The following ITGB5 variants were observed in gnomAD, a reference collection of about 807,000 sequenced individuals.
The protein encoded by ITGB5 is integrin subunit beta 5.
A neutral mutation model predicts 84.8 loss-of-function variants in ITGB5; 38 were observed. The observed-to-expected ratio is 0.45, with a 90% CI of 0.35 to 0.59. The LOEUF (loss-of-function observed/expected upper bound fraction) is 0.59, where lower values mean the gene tolerates loss of function less well. Among genes scored for constraint, ITGB5 ranks in the 20% least tolerant of loss-of-function variants. The pLI is 0.01. For missense variants in ITGB5, 905 were observed against 1,034.5 expected, an observed-to-expected ratio of 0.87 and a Z score of 1.72; for synonymous variants, 393 against 414.4, an observed-to-expected ratio of 0.95 and a Z score of 0.63.
chr3:124,856,812 C>T (rs1032457071), intron 3 of ITGB5, among the ~76,000 whole-genome samples: 9 of 152,216 alleles, frequency 5.9e-5, no homozygotes, highest in African/African-American at 2.2e-4. Flanking sequence ...TCTGTCTTCA[C>T]ATAAGAGATT....
At chr3:124,831,223 T>C (rs1165814608) in intron 5 of ITGB5, among the ~76,000 whole-genome samples, 2 of 152,116 alleles carry the variant, frequency 1.3e-5, no homozygotes, top group East Asian at 3.9e-4. Context: ...TCGCTGTCAA[T>C]GTCTGTCTTA....
chr3:124,778,228 G>A (rs573559646), intron 10 of ITGB5, among the ~76,000 whole-genome samples: 1 of 152,348 alleles, frequency 6.6e-6, no homozygotes, highest in Admixed American at 6.5e-5. Flanking sequence ...CATGCAAGTT[G>A]TTATTATTAG....
chr3:124,828,862 G>C (rs967927194), intron 5 of ITGB5, among the ~76,000 whole-genome samples: 1 of 152,160 alleles, frequency 6.6e-6, no homozygotes, highest in Non-Finnish European at 1.5e-5. Context: ...TCTGATTTCG[G>C]TCCCATGTCT....
chr3:124,893,874 G>T (rs1935047463), intron 1 of ITGB5, among the ~76,000 whole-genome samples: 1 of 152,244 alleles, frequency 6.6e-6, no homozygotes, highest in East Asian at 1.9e-4. Context: ...TGGTGTTGTT[G>T]CTCTTAATGT....
At chr3:124,880,342 C>T (rs1376299963) in intron 1 of ITGB5, among the ~76,000 whole-genome samples, 2 of 152,122 alleles carry the variant, frequency 1.3e-5, no homozygotes, top group Non-Finnish European at 2.9e-5. Flanking sequence ...ATAAAGGTAC[C>T]ATACTAATGT....
intron 4 of ITGB5, 139 bp downstream of exon 4, chr3:124,848,170 A>T: frequency 1.1e-6 from 1 of 893,046 alleles, no homozygotes; most frequent in Non-Finnish European, 1.7e-6. Flanking sequence ...ATGTATGCTT[A>T]TCATTAATCA....
intron 3 of ITGB5, 136 bp from the exon 4 acceptor site, chr3:124,848,694 G>C: frequency 1.1e-6 from 1 of 901,180 alleles, no homozygotes; most frequent in South Asian, 1.7e-5. Context: ...ATTTTTCTTG[G>C]AAGTAAAGTG....
At chr3:124,863,398 G>C (rs1224512893) in intron 2 of ITGB5, 1 of 152,242 alleles carries the variant, frequency 6.6e-6, no homozygotes, top group African/African-American at 2.4e-5. Flanking sequence ...AGCCATAACT[G>C]ATTTGTAGCT....
chr3:124,828,188 G>A (rs1236102535), intron 5 of ITGB5, among the ~76,000 whole-genome samples: 3 of 152,154 alleles, frequency 2.0e-5, no homozygotes, highest in Admixed American at 2.0e-4. Flanking sequence ...CCACTCCTGG[G>A]TACTGACCCA....
intron 9 of ITGB5, among the ~76,000 whole-genome samples, chr3:124,798,212 G>A (rs1037898883): frequency 1.4e-4 from 21 of 151,122 alleles, no homozygotes; most frequent in Admixed American, 1.2e-3. Flanking sequence ...GCCACCACAC[G>A]CAGCTAATTT....
chr3:124,884,946 C>G (rs1033927215), intron 1 of ITGB5, among the ~76,000 whole-genome samples: 1 of 151,966 alleles, frequency 6.6e-6, no homozygotes, highest in Non-Finnish European at 1.5e-5. Context: ...AAAGAGAAAG[C>G]AAGATGCAAG....
intron 1 of ITGB5, among the ~76,000 whole-genome samples, chr3:124,879,138 A>T (rs187227228): frequency 3.4e-4 from 51 of 152,122 alleles, no homozygotes; most frequent in Admixed American, 7.9e-4. Flanking sequence ...TCCTAAGCCA[A>T]CCCTTCCTGT....
chr3:124,817,964 A>C (rs2064632401), intron 7 of ITGB5, among the ~76,000 whole-genome samples: 1 of 152,138 alleles, frequency 6.6e-6, no homozygotes, highest in Non-Finnish European at 1.5e-5. Context: ...TCTTTCTCTA[A>C]AAGATAATGT....
At position 124,764,639 on chromosome 3, in the gene ITGB5, A is replaced by G. The variant is rs527953275; in HGVS notation, c.2138-82T>C. The G allele has an allele frequency of 3.5e-4, 487 of 1,407,126 alleles. 2 individuals carry two copies. The highest frequency in any genetic ancestry group is 4.2e-4 in the Non-Finnish European group (435 of 1,028,920). 87.2% of individuals were successfully genotyped at this position (1,407,126 alleles called of 1,614,324 possible). ...CGCAACTGCAGGCATTTCTGAGATGAAAGTTGCACCCCTTCCAAAGGCCTT... is the reference window on the plus strand; with the variant it reads ...CGCAACTGCAGGCATTTCTGAGATGGAAGTTGCACCCCTTCCAAAGGCCTT... On this transcript the variant is annotated intron_variant, in intron 13 of 14. Transcript: ENST00000296181.
intron 2 of ITGB5, among the ~76,000 whole-genome samples, chr3:124,871,548 G>A (rs555915584): frequency 5.9e-5 from 9 of 152,274 alleles, no homozygotes; most frequent in Admixed American, 1.3e-4. Flanking sequence ...AGGAGGGGCC[G>A]GGCATGGTGG....
At chr3:124,834,866 G>A (rs965745438) in intron 5 of ITGB5, among the ~76,000 whole-genome samples, 1 of 152,156 alleles carries the variant, frequency 6.6e-6, no homozygotes, top group African/African-American at 2.4e-5. Flanking sequence ...GAGGCCACAG[G>A]CAGAGAGCCT....
At chr3:124,887,658 C>T (rs572493398), upstream of ITGB5, 15 of 447,978 alleles carry the variant, frequency 3.3e-5, no homozygotes, top group African/African-American at 3.0e-4. Context: ...CTTAGCCGCC[C>T]GTCGCCACGG....
intron 1 of ITGB5, among the ~76,000 whole-genome samples, chr3:124,882,959 G>A (rs1283205833): frequency 2.6e-5 from 4 of 152,138 alleles, no homozygotes; most frequent in African/African-American, 9.7e-5. Context: ...GAAACAAATG[G>A]GTGCCTCTAA....
chr3:124,789,368 C>A (rs2064124977), intron 10 of ITGB5, among the ~76,000 whole-genome samples: 1 of 150,016 alleles, frequency 6.7e-6, no homozygotes, highest in African/African-American at 2.5e-5. Context: ...CTGCCTTTAA[C>A]TAGACAGGGT....
Sources: allele counts gnomAD v4.1 joint callset (sites outside exome capture counted in the v4.1 genomes callset), GRCh38; gene constraint gnomAD v4.1.1; transcripts MANE v1.5; gene names NCBI Gene and HGNC (gene_info 2026-07-23, HGNC 2026-07-21).